ILKAP: variants seen among roughly 807,000 people sequenced by gnomAD.
ILKAP encodes integrin-linked kinase-associated serine/threonine phosphatase 2C.
In ILKAP, 11 loss-of-function variants were observed where a neutral mutation model predicts 49.1. The ratio of observed to expected loss-of-function variants is 0.22; its 90% CI spans 0.14 to 0.37. The LOEUF (loss-of-function observed/expected upper bound fraction) is 0.37, where lower values mean the gene tolerates loss of function less well. Among genes scored for constraint, ILKAP ranks in the 10% least tolerant of loss-of-function variants. The pLI is 1.00. For missense variants in ILKAP, 363 were observed against 510.8 expected (o/e 0.71, Z 2.79); for synonymous variants, 186 against 192.8 (o/e 0.96, Z 0.29).
chr2:238,177,042 A>G (rs1476295413), intron 9 of ILKAP, among the ~76,000 whole-genome samples: 1 of 152,270 alleles, frequency 6.6e-6, no homozygotes. Flanking sequence ...TGCTATATGT[A>G]AACTTCCCAT....
At chr2:238,203,138 C>A (rs1222146498) in intron 1 of ILKAP, among the ~76,000 whole-genome samples, 2 of 151,042 alleles carry the variant, frequency 1.3e-5, no homozygotes, top group Admixed American at 1.3e-4. Flanking sequence ...CGGGTGGAAT[C>A]GGGGCGCGGG....
chr2:238,200,332 A>T (rs1231478939), intron 1 of ILKAP, among the ~76,000 whole-genome samples: 1 of 152,214 alleles, frequency 6.6e-6, no homozygotes, highest in Non-Finnish European at 1.5e-5. Context: ...CATTCTATGT[A>T]TTTTTCTAGA....
rs528987033 is a variant in ILKAP at position 238,200,693 on chromosome 2, G to C, written c.55+2806C>G. 4.6e-5 allele frequency among the ~76,000 whole-genome samples: 7 copies of C among 152,238 alleles called. No individual in the cohort carries two copies. The South Asian group carries it at 1.2e-3, about 27-fold the overall frequency. ...AAAAATTAGCTGGCTGTGGTGGTGC[G>C]CACCTGTAGTCCCAGCTACCAAGGA... On this transcript the variant is annotated intron_variant, in intron 1 of 11. Coordinates refer to ENST00000254654, the MANE Select transcript of ILKAP (RefSeq NM_030768.3).
At chr2:238,181,717 G>A (rs1693700631) in intron 9 of ILKAP, among the ~76,000 whole-genome samples, 1 of 151,504 alleles carries the variant, frequency 6.6e-6, no homozygotes, top group Non-Finnish European at 1.5e-5. Flanking sequence ...CCGCCTCCCA[G>A]GTTCACGCCA....
chr2:238,194,144 T>TA, intron 3 of ILKAP, 131 bp downstream of exon 3: 1 of 671,402 alleles, frequency 1.5e-6, no homozygotes, highest in Non-Finnish European at 2.6e-6. Flanking sequence ...TTTATAGTTT[T>TA]AGTAAACCTT....
intron 9 of ILKAP, among the ~76,000 whole-genome samples, chr2:238,179,194 G>C (rs1380692253): frequency 1.3e-5 from 2 of 152,192 alleles, no homozygotes; most frequent in African/African-American, 4.8e-5. Context: ...CTGAAATCAA[G>C]TGAGCAGCAG....
intron 1 of ILKAP, among the ~76,000 whole-genome samples, chr2:238,200,235 T>TA (rs1694514292): frequency 6.6e-6 from 1 of 152,178 alleles, no homozygotes; most frequent in South Asian, 2.1e-4. Flanking sequence ...ATCTCTCCTT[T>TA]AAAAAACTTG....
Position 238,185,191 on chromosome 2 carries a change from T to C in ILKAP, c.522A>G (p.Lys174=), listed in dbSNP as rs780077450. The C allele has an allele frequency of 6.2e-6, 10 of 1,608,860 alleles. No homozygotes were observed. The highest frequency in any genetic ancestry group is 6.8e-6 in the Non-Finnish European group (8 of 1,175,448). Residue 174 remains lysine (K), a synonymous_variant, in exon 6 of 12, where the codon AAA becomes AAG. Coordinates refer to ENST00000254654, the MANE Select transcript of ILKAP (RefSeq NM_030768.3). ...AGTTCTCAGTCTCACCTTTAGGAAATTTTCTGATTAAGTTTTGATGCAAAT... is the reference window on the plus strand; with the variant it reads ...AGTTCTCAGTCTCACCTTTAGGAAACTTTCTGATTAAGTTTTGATGCAAAT... ...AQNLHQNLIR[K]FPKGDVISVE...
intron 9 of ILKAP, among the ~76,000 whole-genome samples, chr2:238,181,595 C>T (rs1485367985): frequency 6.6e-6 from 1 of 151,134 alleles, no homozygotes; most frequent in Non-Finnish European, 1.5e-5. Flanking sequence ...GTAACTTATT[C>T]AATGTGAAAA....
Position 238,173,618 on chromosome 2 carries a change from C to T in ILKAP, c.872G>A (p.Arg291His). ...CTTGTACTGCCCGTCCCCAATGGAG[C>T]GTGACACCTCTAGCACGCCCAAAAC... ...GRVLGVLEVS[R>H]SIGDGQYKRC... is the part of the protein sequence containing the mutation. Residue 291 changes from arginine to histidine, a missense_variant, in exon 10 of 12, where the codon CGC (arginine) becomes CAC (histidine). By Grantham distance (29) the Arg-to-His change is conservative. Transcript: ENST00000254654. The T allele has an allele frequency of 1.9e-6, 3 of 1,613,972 alleles. No homozygotes were observed. Among genetic ancestry groups the T allele is most frequent in the Non-Finnish European group, 2.5e-6 (3 of 1,179,926 alleles).
intron 10 of ILKAP, 25 bp downstream of exon 10, chr2:238,173,509 C>T (rs1416027674): frequency 1.3e-6 from 2 of 1,568,232 alleles, no homozygotes; most frequent in Non-Finnish European, 1.7e-6. Flanking sequence ...GCACACACAC[C>T]TGTGCCTCTT....
At chr2:238,194,719 G>A in intron 2 of ILKAP, 86 bp downstream of exon 2, 1 of 1,351,180 alleles carries the variant, frequency 7.4e-7, no homozygotes, top group Non-Finnish European at 1.1e-6. Context: ...GTTGAAAATG[G>A]GGGAAAGGGA....
intron 1 of ILKAP, among the ~76,000 whole-genome samples, chr2:238,201,461 A>G (rs1371210497): frequency 1.3e-5 from 2 of 152,198 alleles, no homozygotes; most frequent in East Asian, 3.8e-4. Flanking sequence ...GCAGATGGGG[A>G]GCAGCTGACC....
At chr2:238,201,508 T>C (rs937095472) in intron 1 of ILKAP, among the ~76,000 whole-genome samples, 2 of 152,194 alleles carry the variant, frequency 1.3e-5, no homozygotes. Flanking sequence ...TTAAACACCA[T>C]GCACCCCCTC....
chr2:238,199,026 C>A (rs960176162), intron 1 of ILKAP, among the ~76,000 whole-genome samples: 3 of 152,166 alleles, frequency 2.0e-5, no homozygotes, highest in African/African-American at 7.2e-5. Context: ...TTCCTTAATG[C>A]TCATGCACAT....
At chr2:238,188,978 C>T (rs1694013437) in intron 4 of ILKAP, among the ~76,000 whole-genome samples, 1 of 152,226 alleles carries the variant, frequency 6.6e-6, no homozygotes, top group Non-Finnish European at 1.5e-5. Context: ...CATCATACAG[C>T]TTTCACTGAG....
At chr2:238,198,764 G>A (rs1362625290) in intron 1 of ILKAP, among the ~76,000 whole-genome samples, 1 of 151,924 alleles carries the variant, frequency 6.6e-6, no homozygotes, top group African/African-American at 2.4e-5. Context: ...TAAGTCTACT[G>A]GAAGTTATAT....
chr2:238,170,814 C>A (rs1312276854), intron 11 of ILKAP, 129 bp downstream of exon 11: 1 of 1,451,234 alleles, frequency 6.9e-7, no homozygotes, highest in East Asian at 2.3e-5. Flanking sequence ...AGTCAGTAGG[C>A]AGAGTTCACA....
intron 4 of ILKAP, chr2:238,188,648 A>T: frequency 6.3e-6 from 1 of 158,012 alleles, no homozygotes; most frequent in Admixed American, 6.3e-5. Flanking sequence ...GCAAGTCAGG[A>T]GAGTTTATCT....
Sources: allele counts gnomAD v4.1 joint callset (sites outside exome capture counted in the v4.1 genomes callset), GRCh38; gene constraint gnomAD v4.1.1; transcripts MANE v1.5; gene names NCBI Gene and HGNC (gene_info 2026-07-23, HGNC 2026-07-21).